FAM107B: variants seen among roughly 807,000 people sequenced by gnomAD.
FAM107B encodes the protein family with sequence similarity 107 member B, also known as protein FAM107B.
In FAM107B, 21 loss-of-function variants were observed where a neutral mutation model predicts 31.5. The ratio of observed to expected loss-of-function variants is 0.67; its 90% CI spans 0.47 to 0.96. The LOEUF is 0.96. Ranked by LOEUF, FAM107B falls within the 40% of genes least tolerant of loss-of-function variation. The pLI is 0.00. For missense variants in FAM107B, 452 were observed against 377.1 expected, an observed-to-expected ratio of 1.20 and a Z score of -1.64; for synonymous variants, 157 against 141.5, an observed-to-expected ratio of 1.11 and a Z score of -0.78.
intron 1 of FAM107B, among the ~76,000 whole-genome samples, chr10:14,737,085 A>G (rs900803891): frequency 1.3e-5 from 2 of 152,074 alleles, no homozygotes; most frequent in African/African-American, 4.8e-5. Context: ...AAAACAAGGG[A>G]GCTAAGAGGA....
At chr10:14,579,662 A>C (rs1035065963) in intron 2 of FAM107B, among the ~76,000 whole-genome samples, 1 of 152,244 alleles carries the variant, frequency 6.6e-6, no homozygotes, top group African/African-American at 2.4e-5. Context: ...TTGTTACTCA[A>C]TACCCCATAT....
intron 1 of FAM107B, among the ~76,000 whole-genome samples, chr10:14,729,650 G>C (rs1487699238): frequency 6.6e-6 from 1 of 152,058 alleles, no homozygotes; most frequent in Non-Finnish European, 1.5e-5. Flanking sequence ...AAATCTCTGA[G>C]GTGGAAATAC....
intron 2 of FAM107B, among the ~76,000 whole-genome samples, chr10:14,659,877 A>C (rs1854185398): frequency 6.6e-6 from 1 of 152,166 alleles, no homozygotes; most frequent in African/African-American, 2.4e-5. Context: ...CCCCAGTCTC[A>C]CTTCCCCACA....
chr10:14,672,024 A>G (rs916173239), intron 1 of FAM107B, among the ~76,000 whole-genome samples: 1 of 151,896 alleles, frequency 6.6e-6, no homozygotes, highest in Non-Finnish European at 1.5e-5. Context: ...GGAGTCAGGC[A>G]TGCATTGGTT....
chr10:14,720,981 C>T (rs1050913809), intron 1 of FAM107B, among the ~76,000 whole-genome samples: 3 of 152,156 alleles, frequency 2.0e-5, no homozygotes, highest in Non-Finnish European at 4.4e-5. Context: ...TCTCCCAATG[C>T]TATCCCTCCC....
chr10:14,771,557 T>G (rs867309397), intron 1 of FAM107B, among the ~76,000 whole-genome samples: 1 of 150,850 alleles, frequency 6.6e-6, no homozygotes, highest in African/African-American at 2.5e-5. Context: ...AATTACACAT[T>G]TATACATGTA....
chr10:14,589,982 C>G (rs1851963816), intron 2 of FAM107B, among the ~76,000 whole-genome samples: 1 of 152,022 alleles, frequency 6.6e-6, no homozygotes, highest in African/African-American at 2.4e-5. Flanking sequence ...CATGAGGATC[C>G]AAAAATGATG....
rs1660581085 is a variant in FAM107B at position 14,756,951 on chromosome 10, G to A, written c.411+17302C>T. Among the ~76,000 whole-genome samples, 4 of 152,254 alleles carry A rather than the reference G, an allele frequency of 2.6e-5. No individual in the cohort carries two copies. In the South Asian group the frequency reaches 8.3e-4, roughly 32 times the overall value. On this transcript the variant is annotated intron_variant, in intron 1 of 4. Coordinates refer to ENST00000181796, the MANE Select transcript of FAM107B (RefSeq NM_031453.4). ...CGTGTGTTCTTACTTATAAGTGGGA[G>A]CTAAATGATGAGAACACATAGACAC...
chr10:14,750,551 G>T (rs892069332), intron 1 of FAM107B, among the ~76,000 whole-genome samples: 1 of 152,164 alleles, frequency 6.6e-6, no homozygotes, highest in Non-Finnish European at 1.5e-5. Flanking sequence ...GGGGGAGGTT[G>T]CAGTGAGCTG....
intron 2 of FAM107B, among the ~76,000 whole-genome samples, chr10:14,630,168 A>G (rs76871895): frequency 0.11 from 15,981 of 151,646 alleles, 1,173 homozygotes; most frequent in Admixed American, 0.26. Context: ...TGCAAAATGT[A>G]TTTCTCTTGC....
intron 1 of FAM107B, among the ~76,000 whole-genome samples, chr10:14,734,695 G>A (rs1360942106): frequency 1.3e-5 from 2 of 151,996 alleles, no homozygotes; most frequent in East Asian, 3.9e-4. Flanking sequence ...GTGACAATTT[G>A]GGTCTATAAA....
chr10:14,564,412 T>G (rs1357180649), intron 2 of FAM107B, among the ~76,000 whole-genome samples: 2 of 152,036 alleles, frequency 1.3e-5, no homozygotes, highest in African/African-American at 4.8e-5. Flanking sequence ...CAAAATAGTT[T>G]TCAAAGCAGA....
intron 2 of FAM107B, among the ~76,000 whole-genome samples, chr10:14,585,282 T>G (rs933111974): frequency 2.0e-5 from 3 of 152,184 alleles, no homozygotes; most frequent in African/African-American, 7.2e-5. Context: ...CACCCTCCAC[T>G]AGTAACACCT....
At chr10:14,612,509 G>A (rs1852749759) in intron 2 of FAM107B, 1 of 152,200 alleles carries the variant, frequency 6.6e-6, no homozygotes, top group East Asian at 1.9e-4. Context: ...ATTCCAGCTT[G>A]TTCTGGTGGC....
intron 1 of FAM107B, among the ~76,000 whole-genome samples, chr10:14,712,618 C>CA (rs1488454643): frequency 2.0e-5 from 2 of 100,464 alleles, no homozygotes; most frequent in Non-Finnish European, 2.1e-5. Flanking sequence ...CACCAAAAAA[C>CA]AAAAAAAAAA....
intron 2 of FAM107B, among the ~76,000 whole-genome samples, chr10:14,657,540 C>T (rs919213119): frequency 5.9e-5 from 9 of 152,192 alleles, no homozygotes; most frequent in Admixed American, 4.6e-4. Context: ...AGAGAAACAT[C>T]TCCTTGGATT....
At chr10:14,610,105 A>C (rs752313735) in intron 2 of FAM107B, among the ~76,000 whole-genome samples, 1 of 152,204 alleles carries the variant, frequency 6.6e-6, no homozygotes, top group Non-Finnish European at 1.5e-5. Flanking sequence ...GCACTTCCGG[A>C]GGCCGAGGCG....
chr10:14,533,004 G>A (rs545003370), intron 2 of FAM107B, among the ~76,000 whole-genome samples: 1 of 152,176 alleles, frequency 6.6e-6, no homozygotes, highest in Non-Finnish European at 1.5e-5. Flanking sequence ...CTGGCTGCAG[G>A]GGAGGGAGGG....
intron 2 of FAM107B, chr10:14,553,329 C>T (rs1276019247): frequency 2.4e-6 from 3 of 1,264,886 alleles, no homozygotes; most frequent in East Asian, 5.7e-5. Context: ...TACTAAAATA[C>T]TTTGTAAAGC....
Sources: allele counts gnomAD v4.1 joint callset (sites outside exome capture counted in the v4.1 genomes callset), GRCh38; gene constraint gnomAD v4.1.1; transcripts MANE v1.5; gene names NCBI Gene and HGNC (gene_info 2026-07-23, HGNC 2026-07-21).